The following LYPD6 variants were observed in gnomAD, a reference collection of about 807,000 sequenced individuals.
LYPD6 encodes ly6/PLAUR domain-containing protein 6.
Under a neutral mutation model 22.7 loss-of-function variants are expected in LYPD6, and 15 were observed. The observed-to-expected ratio is 0.66, with a 90% confidence interval of 0.44 to 1.02. The LOEUF (loss-of-function observed/expected upper bound fraction) is 1.02, where lower values mean the gene tolerates loss of function less well. Among genes scored for constraint, LYPD6 ranks in the 50% least tolerant of loss-of-function variants. LYPD6 has a pLI of 0.00. For synonymous variants in LYPD6, 72 were observed against 77.5 expected, an observed-to-expected ratio of 0.93 and a Z score of 0.37; for missense variants, 189 against 208.4, an observed-to-expected ratio of 0.91 and a Z score of 0.57.
intron 1 of LYPD6, among the ~76,000 whole-genome samples, chr2:149,403,430 G>T (rs967395609): frequency 6.0e-5 from 9 of 150,006 alleles, no homozygotes; most frequent in Non-Finnish European, 1.2e-4. Context: ...ATTCTAACTG[G>T]TGTGAGATGG....
intron 1 of LYPD6, among the ~76,000 whole-genome samples, chr2:149,336,126 T>C (rs1681030079): frequency 6.6e-6 from 1 of 152,210 alleles, no homozygotes; most frequent in Non-Finnish European, 1.5e-5. Context: ...AATGGGAAAT[T>C]GGCTAAGGAA....
At chr2:149,361,000 T>C (rs1681561469) in intron 1 of LYPD6, among the ~76,000 whole-genome samples, 1 of 152,218 alleles carries the variant, frequency 6.6e-6, no homozygotes, top group Non-Finnish European at 1.5e-5. Context: ...TTTTCCTCTG[T>C]TCTTTATAGT....
At chr2:149,428,465 C>G (rs1683232657) in intron 1 of LYPD6, among the ~76,000 whole-genome samples, 1 of 152,292 alleles carries the variant, frequency 6.6e-6, no homozygotes, top group South Asian at 2.1e-4. Context: ...AAGTTTCATT[C>G]TCTTCTTCCT....
chr2:149,434,637 G>A (rs190529482), intron 1 of LYPD6, among the ~76,000 whole-genome samples: 9 of 152,284 alleles, frequency 5.9e-5, no homozygotes, highest in Admixed American at 3.3e-4. Flanking sequence ...AAGAAAGGGA[G>A]TGGAGGGCAA....
rs114926577 is a variant in LYPD6 at position 149,437,159 on chromosome 2, G to A, written c.-71-479G>A. Among the ~76,000 whole-genome samples the A allele has an allele frequency of 6.8e-3, 1,040 of 152,232 alleles. 13 individuals are homozygous for A. Among genetic ancestry groups the A allele is most frequent in the African/African-American group, 0.023 (966 of 41,540 alleles). ...GTTACGGAGGCACTTTTTAATTTTGGAGAGGTCAGCTTTCCTGTATTTGTT... is the reference window on the plus strand; with the variant it reads ...GTTACGGAGGCACTTTTTAATTTTGAAGAGGTCAGCTTTCCTGTATTTGTT... On this transcript the variant is annotated intron_variant, in intron 1 of 4. Transcript: ENST00000334166.
At chr2:149,369,819 G>C (rs900566837) in intron 1 of LYPD6, among the ~76,000 whole-genome samples, 1 of 152,164 alleles carries the variant, frequency 6.6e-6, no homozygotes, top group Non-Finnish European at 1.5e-5. Context: ...GTGAAAAGAA[G>C]TGGGAAATTG....
In LYPD6 at chr2:149,437,969, G is replaced by A. The variant is rs1229318847; in HGVS notation, c.118+143G>A. The stretch of plus-strand genomic sequence containing the variant: ...GGTGGTGCGGTAATTTACAAAAGAT[G>A]TTTTATGCTTTACCCTCACCTTTTC... On this transcript the variant is annotated intron_variant, in intron 2 of 4. Transcript: ENST00000334166. The A allele has an allele frequency of 4.2e-6, 4 of 959,814 alleles. No individual in the cohort carries two copies. The East Asian group carries it at 7.9e-5, about 19-fold the overall frequency. The allele number at this position is 959,814 out of a possible 1,614,324, so 59.5% of individuals were successfully genotyped here.
intron 1 of LYPD6, among the ~76,000 whole-genome samples, chr2:149,364,565 T>C (rs1183240944): frequency 4.7e-5 from 7 of 150,010 alleles, no homozygotes; most frequent in African/African-American, 9.9e-5. Context: ...TTTTTTTGCA[T>C]GTTCAAAGTC....
intron 1 of LYPD6, among the ~76,000 whole-genome samples, chr2:149,360,754 A>G (rs553972127): frequency 6.6e-6 from 1 of 152,028 alleles, no homozygotes; most frequent in African/African-American, 2.4e-5. Context: ...GTGGCCTTTC[A>G]TTCTATTGAA....
downstream of LYPD6, among the ~76,000 whole-genome samples, chr2:149,478,377 G>GGTGT (rs55853638): frequency 0.041 from 4,108 of 99,312 alleles, 176 homozygotes; most frequent in African/African-American, 0.11. Flanking sequence ...GGTATATAGA[G>GGTGT]GTGTGTGTGT....
chr2:149,430,328 G>A (rs1683285620), intron 1 of LYPD6, among the ~76,000 whole-genome samples: 1 of 152,162 alleles, frequency 6.6e-6, no homozygotes. Flanking sequence ...TCAAACTCCT[G>A]ACCTCAGTTG....
At chr2:149,474,447 A>G (rs912298499), downstream of LYPD6, among the ~76,000 whole-genome samples, 2 of 152,168 alleles carry the variant, frequency 1.3e-5, no homozygotes, top group Non-Finnish European at 1.5e-5. Context: ...GGCTCAAGCA[A>G]TCCTCCTACC....
intron 1 of LYPD6, among the ~76,000 whole-genome samples, chr2:149,424,613 G>A (rs1162156068): frequency 6.6e-6 from 1 of 152,170 alleles, no homozygotes; most frequent in Non-Finnish European, 1.5e-5. Flanking sequence ...TTGATCTGGT[G>A]TGAGGAGAGG....
the LYPD6 span, among the ~76,000 whole-genome samples, chr2:149,486,172 A>G: frequency 6.6e-6 from 1 of 152,146 alleles, no homozygotes; most frequent in Non-Finnish European, 1.5e-5. Context: ...ACCAATATTG[A>G]TTTCATGACT....
intron 3 of LYPD6, among the ~76,000 whole-genome samples, chr2:149,459,473 G>A (rs543445294): frequency 2.6e-5 from 4 of 152,278 alleles, no homozygotes; most frequent in East Asian, 1.9e-4. Flanking sequence ...CTTAGTAAAC[G>A]TACTTGATAC....
At chr2:149,345,767 C>G (rs1300738350) in intron 1 of LYPD6, among the ~76,000 whole-genome samples, 1 of 152,094 alleles carries the variant, frequency 6.6e-6, no homozygotes, top group African/African-American at 2.4e-5. Context: ...TATTTTAAAA[C>G]TCCAAATTGC....
chr2:149,382,700 A>C (rs1682093612), intron 1 of LYPD6, among the ~76,000 whole-genome samples: 1 of 152,084 alleles, frequency 6.6e-6, no homozygotes, highest in Non-Finnish European at 1.5e-5. Flanking sequence ...TCAACTGTGC[A>C]CAAATTCTGG....
At chr2:149,399,851 C>T (rs1682513272) in intron 1 of LYPD6, among the ~76,000 whole-genome samples, 1 of 152,104 alleles carries the variant, frequency 6.6e-6, no homozygotes, top group East Asian at 1.9e-4. Flanking sequence ...AAGGATAAAT[C>T]TTCCCAACAA....
chr2:149,456,213 A>T (rs1680954094), intron 3 of LYPD6, among the ~76,000 whole-genome samples: 2 of 152,202 alleles, frequency 1.3e-5, no homozygotes, highest in Non-Finnish European at 2.9e-5. Flanking sequence ...TTTGTAGTTC[A>T]TCCTTTTCTT....
Sources: allele counts gnomAD v4.1 joint callset (sites outside exome capture counted in the v4.1 genomes callset), GRCh38; gene constraint gnomAD v4.1.1; transcripts MANE v1.5; gene names NCBI Gene and HGNC (gene_info 2026-07-23, HGNC 2026-07-21).